The following OR2T27 variants were observed in gnomAD, a reference collection of about 807,000 sequenced individuals.
The protein encoded by OR2T27 is olfactory receptor 2T27.
For synonymous variants in OR2T27, 51 were observed against 152.9 expected (o/e 0.33, Z 4.92); for missense variants, 152 against 397.2 (o/e 0.38, Z 5.25).
chr1:248,653,831 T>A (rs1461904343), intron 1 of OR2T27, among the ~76,000 whole-genome samples: 1 of 105,232 alleles, frequency 9.5e-6, no homozygotes, highest in Non-Finnish European at 2.2e-5. Context: ...ATTAATATTC[T>A]TTTGTTCTAT....
intron 1 of OR2T27, among the ~76,000 whole-genome samples, chr1:248,652,166 C>G (rs147426519): frequency 5.3e-3 from 414 of 77,722 alleles, no homozygotes; most frequent in African/African-American, 0.011. Context: ...AGAATTGAGC[C>G]AAAAAATTTA....
chr1:248,650,943 A>G, intron 1 of OR2T27, 55 bp from the exon 2 acceptor site: 2 of 609,978 alleles, frequency 3.3e-6, no homozygotes, highest in Non-Finnish European at 4.9e-6. Context: ...TGATTTACAT[A>G]AAACATTATG....
chr1:248,652,379 T>C (rs1661040024), intron 1 of OR2T27, among the ~76,000 whole-genome samples: 1 of 148,918 alleles, frequency 6.7e-6, no homozygotes, highest in African/African-American at 2.4e-5. Flanking sequence ...AGTGTAATTG[T>C]TCTATGCTGT....
chr1:248,653,884 G>C (rs4916162), intron 1 of OR2T27, among the ~76,000 whole-genome samples: 4 of 132,192 alleles, frequency 3.0e-5, no homozygotes, highest in African/African-American at 1.0e-4. Flanking sequence ...ACATGTAATT[G>C]TAACTTTGAT....
At chr1:248,653,539 A>AT (rs1394584976) in intron 1 of OR2T27, among the ~76,000 whole-genome samples, 1 of 23,500 alleles carries the variant, frequency 4.3e-5, no homozygotes, top group African/African-American at 4.6e-5. Flanking sequence ...GTTTGCTTAT[A>AT]ATGCAAGTAT....
intron 1 of OR2T27, among the ~76,000 whole-genome samples, chr1:248,653,810 TTTTA>T (rs1339712634): frequency 1.6e-4 from 2 of 12,228 alleles, no homozygotes; most frequent in African/African-American, 1.7e-4. Context: ...GTCTATAGAT[TTTTA>T]TTTTTTATTA....
chr1:248,653,637 AAG>A (rs375914154), intron 1 of OR2T27, among the ~76,000 whole-genome samples: 37 of 57,908 alleles, frequency 6.4e-4, no homozygotes, highest in African/African-American at 1.0e-3. Context: ...GCTTAACAGT[AAG>A]AGAACACACT....
In OR2T27 at chr1:248,652,535, ACG is replaced by A. The variant is rs1157729638; in HGVS notation, c.-4-1649_-4-1648del. Among the ~76,000 whole-genome samples the A allele has an allele frequency of 2.3e-4, 8 of 34,832 alleles. No individual in the cohort carries two copies. The Non-Finnish European group carries it at 5.2e-3, about 23-fold the overall frequency. 22.9% of individuals were successfully genotyped at this position (34,832 alleles called of 152,430 possible). A position where few individuals can be genotyped will look rare whatever the true frequency, so the allele number is the denominator to read the frequency against. ...TCGAGCCTAGAATTGAGGCACATGA[ACG>A]TGTGTTGTGTGACCACAGGTGCACT... On this transcript the variant is annotated intron_variant, in intron 1 of 1. Coordinates refer to ENST00000460972, the MANE Select transcript of OR2T27 (RefSeq NM_001001824.2).
chr1:248,652,848 G>A (rs1364997171), intron 1 of OR2T27, among the ~76,000 whole-genome samples: 2 of 150,668 alleles, frequency 1.3e-5, no homozygotes, highest in East Asian at 1.9e-4. Flanking sequence ...GATTTATAAT[G>A]TATCTTTATT....
At chr1:248,653,387 C>T (rs4916157) in intron 1 of OR2T27, among the ~76,000 whole-genome samples, 17 of 141,570 alleles carry the variant, frequency 1.2e-4, no homozygotes, top group Non-Finnish European at 1.7e-4. Flanking sequence ...CATGTAATAA[C>T]TGTCTATGCA....
chr1:248,650,456 C>T lies in OR2T27; in HGVS notation c.429G>A (p.Leu143=). Residue 143 remains leucine, a synonymous_variant, in exon 2 of 2, where the codon TTG becomes TTA. Coordinates refer to ENST00000460972, the MANE Select transcript of OR2T27 (RefSeq NM_001001824.2). ...PVLMSRKICW[L]IVAAAWLGGS... is the part of the protein sequence containing the mutation. ...CTCCCAGCCAGGCTGCCGCCACAAT[C>T]AACCAGCAGATCTTGCGGCTCATGA... 1 of 1,558,578 alleles carries T rather than the reference C, an allele frequency of 6.4e-7. No homozygotes were observed. The highest frequency in any genetic ancestry group is 1.1e-5 in the South Asian group (1 of 87,010).
At position 248,650,083 on chromosome 1, in the gene OR2T27, G is replaced by A; in HGVS notation, c.802C>T (p.Pro268Ser). 2 of 1,572,952 alleles carry A rather than the reference G, an allele frequency of 1.3e-6. No homozygotes were observed. The highest frequency in any genetic ancestry group is 1.7e-6 in the Non-Finnish European group (2 of 1,153,114). The change falls in exon 2 of 2, where the codon CCT becomes TCT. Residue 268 changes from proline to serine, a missense_variant. Coordinates refer to ENST00000460972, the MANE Select transcript of OR2T27 (RefSeq NM_001001824.2). ...TYVLPHSYHTPEQDKAVSAFY... is the reference protein window; with the variant it reads ...TYVLPHSYHTSEQDKAVSAFY... ...GCAGATACAGCTTTGTCCTGCTCAG[G>A]GGTGTGGTAAGAATGAGGCAGCACG...
In OR2T27 at chr1:248,653,384, T is replaced by A. The variant is rs551280756; in HGVS notation, c.-5+2060A>T. Among the ~76,000 whole-genome samples the A allele has an allele frequency of 1.8e-3, 250 of 141,590 alleles. 4 individuals carry two copies. The highest frequency in any genetic ancestry group is 6.0e-3 in the African/African-American group (242 of 40,432). 92.9% of individuals were successfully genotyped at this position (141,590 alleles called of 152,430 possible). On this transcript the variant is annotated intron_variant, in intron 1 of 1. Transcript: ENST00000460972. ...CTGGATTATGCCATGCCCCATGTAA[T>A]AACTGTCTATGCATAATTCCAAACC...
chr1:248,652,994 G>A (rs1661052714), intron 1 of OR2T27, among the ~76,000 whole-genome samples: 1 of 98,530 alleles, frequency 1.0e-5, no homozygotes, highest in Non-Finnish European at 2.4e-5. Flanking sequence ...GGAGGGCCGT[G>A]CTTGTTATTT....
chr1:248,649,979 C>CT lies in OR2T27; in HGVS notation c.905dup (p.Lys303GlufsTer26), dbSNP rs1660964754. On this transcript the variant is annotated frameshift_variant, in exon 2 of 2. Coordinates refer to ENST00000460972, the MANE Select transcript of OR2T27 (RefSeq NM_001001824.2). LOFTEE classifies it low-confidence loss of function (END_TRUNC). ...AGGACACACACCTCCCCACAACCTT[C>CT]TGTAGGGCCCCTGTGACATCCTTGT... 6.3e-7 allele frequency: 1 copy of CT among 1,576,568 alleles called. No homozygotes were observed. The highest frequency in any genetic ancestry group is 1.7e-5 in the Admixed American group (1 of 58,554).
chr1:248,653,746 G>A (rs1196780379), intron 1 of OR2T27, among the ~76,000 whole-genome samples: 1 of 83,598 alleles, frequency 1.2e-5, no homozygotes, highest in Non-Finnish European at 3.0e-5. Context: ...TGTATATTTT[G>A]GCTATTTTGA....
At chr1:248,653,171 C>T (rs1254509084) in intron 1 of OR2T27, among the ~76,000 whole-genome samples, 3 of 144,110 alleles carry the variant, frequency 2.1e-5, no homozygotes, top group African/African-American at 7.5e-5. Flanking sequence ...GGCCCTGAAA[C>T]TTGCTAATGA....
At chr1:248,653,414 T>TA (rs1254306370) in intron 1 of OR2T27, among the ~76,000 whole-genome samples, 1 of 142,408 alleles carries the variant, frequency 7.0e-6, no homozygotes, top group African/African-American at 2.5e-5. Flanking sequence ...CAAACCTTAG[T>TA]AAACGTCCAG....
At chr1:248,652,086 C>T (rs1375939914) in intron 1 of OR2T27, among the ~76,000 whole-genome samples, 3 of 152,212 alleles carry the variant, frequency 2.0e-5, no homozygotes, top group Admixed American at 6.5e-5. Flanking sequence ...CTAGAGTTAT[C>T]CCTGAGAATA....
Sources: allele counts gnomAD v4.1 joint callset (sites outside exome capture counted in the v4.1 genomes callset), GRCh38; gene constraint gnomAD v4.1.1; transcripts MANE v1.5; gene names NCBI Gene and HGNC (gene_info 2026-07-23, HGNC 2026-07-21).